GULP1: variants seen among roughly 807,000 people sequenced by gnomAD.
GULP1 encodes the protein GULP PTB domain containing engulfment adaptor 1.
A neutral mutation model predicts 40.9 loss-of-function variants in GULP1; 19 were observed. The observed-to-expected ratio is 0.46, with a 90% confidence interval of 0.32 to 0.68. GULP1 has a LOEUF of 0.68. GULP1 is among the 30% of genes least tolerant of loss of function. The pLI is 0.03. For missense variants in GULP1, 312 were observed against 362.2 expected (o/e 0.86, Z 1.12); for synonymous variants, 119 against 117.6 (o/e 1.01, Z -0.08).
In GULP1 at chr2:188,458,331, A is replaced by G. The variant is rs140066471; in HGVS notation, c.-44-19328A>G. ...TCCAATCAGCATAAATACATATTCA[A>G]TAGCTCCCCCAAAAATGTCTAGTCT... On this transcript the variant is annotated intron_variant, in intron 2 of 11. Coordinates refer to ENST00000409830, the MANE Select transcript of GULP1 (RefSeq NM_016315.4). Among the ~76,000 whole-genome samples the G allele has an allele frequency of 4.0e-3, 603 of 152,186 alleles. 5 individuals are homozygous for G. Among genetic ancestry groups the G allele is most frequent in the African/African-American group, 0.014 (565 of 41,534 alleles).
At chr2:188,592,712 A>G (rs1703813353) in intron 11 of GULP1, 1 of 152,072 alleles carries the variant, frequency 6.6e-6, no homozygotes, top group Non-Finnish European at 1.5e-5. Context: ...TTCCTCCTCT[A>G]TATGATGATG....
chr2:188,474,552 G>A lies in GULP1; in HGVS notation c.-44-3107G>A, dbSNP rs545130217. On this transcript the variant is annotated intron_variant, in intron 2 of 11. Transcript: ENST00000409830. ...AGTTGAACGCCTTACAATTGCTGTG[G>A]TCTCCCTTCCCCAGCACTCAGAAAT... 5.6e-4 allele frequency among the ~76,000 whole-genome samples: 86 copies of A among 152,224 alleles called. 2 individuals are homozygous for A. The highest frequency in any genetic ancestry group is 3.2e-4 in the Non-Finnish European group (22 of 68,004).
At chr2:188,499,139 A>G (rs1012776774) in intron 4 of GULP1, among the ~76,000 whole-genome samples, 7 of 52,778 alleles carry the variant, frequency 1.3e-4, no homozygotes, top group East Asian at 1.2e-3. Flanking sequence ...GTGTGTGTAT[A>G]TATATATATA....
At chr2:188,450,164 T>G (rs1023388582) in intron 2 of GULP1, among the ~76,000 whole-genome samples, 2 of 152,304 alleles carry the variant, frequency 1.3e-5, no homozygotes, top group African/African-American at 4.8e-5. Flanking sequence ...TTTAGTGATC[T>G]TGTGCTATAT....
chr2:188,438,745 A>C (rs1212588185), intron 2 of GULP1, among the ~76,000 whole-genome samples: 1 of 146,010 alleles, frequency 6.8e-6, no homozygotes, highest in Non-Finnish European at 1.5e-5. Context: ...AAAAGGAAAT[A>C]AAGTAGTTAA....
At chr2:188,503,532 A>T (rs2153166974) in intron 4 of GULP1, among the ~76,000 whole-genome samples, 1 of 151,942 alleles carries the variant, frequency 6.6e-6, no homozygotes, top group East Asian at 2.0e-4. Flanking sequence ...CTCCCACCAG[A>T]TCCCTCCCTC....
chr2:188,590,035 T>G (rs1305483163), intron 11 of GULP1: 4 of 191,320 alleles, frequency 2.1e-5, no homozygotes, highest in Non-Finnish European at 4.2e-5. Flanking sequence ...TGCAGTGGCA[T>G]GATCTTGGCT....
At chr2:188,557,378 C>T (rs1695037373) in intron 7 of GULP1, among the ~76,000 whole-genome samples, 1 of 152,158 alleles carries the variant, frequency 6.6e-6, no homozygotes, top group South Asian at 2.1e-4. Flanking sequence ...GTAAACATTC[C>T]CATTCCAAAA....
intron 4 of GULP1, among the ~76,000 whole-genome samples, chr2:188,490,952 C>T (rs549749573): frequency 3.4e-4 from 52 of 152,002 alleles, no homozygotes; most frequent in African/African-American, 1.2e-3. Flanking sequence ...TACAGGCCTG[C>T]ACCACCATGC....
At chr2:188,445,055 A>G (rs1199050403) in intron 2 of GULP1, among the ~76,000 whole-genome samples, 2 of 152,210 alleles carry the variant, frequency 1.3e-5, no homozygotes, top group African/African-American at 2.4e-5. Context: ...TCAAAGAGGA[A>G]CGAAAAGGTT....
chr2:188,422,527 A>G (rs984917230), intron 2 of GULP1, among the ~76,000 whole-genome samples: 7 of 151,936 alleles, frequency 4.6e-5, no homozygotes, highest in Non-Finnish European at 7.4e-5. Flanking sequence ...TATTTAGCGA[A>G]CATGTAATTT....
chr2:188,565,200 G>A (rs1376340800), intron 7 of GULP1, among the ~76,000 whole-genome samples: 1 of 151,850 alleles, frequency 6.6e-6, no homozygotes, highest in East Asian at 1.9e-4. Context: ...AGGATACAAT[G>A]GACTTTATCA....
rs558818193 is a variant in GULP1 at position 188,570,386 on chromosome 2, T to C, written c.609+266T>C. Among the ~76,000 whole-genome samples, 30 of 152,324 alleles carry C rather than the reference T, an allele frequency of 2.0e-4. No homozygotes were observed. The East Asian group carries it at 5.6e-3, about 28-fold the overall frequency. ...GTTAGTCTTAAGTTTTATTACATAA[T>C]ATAATTTTTCTCTTTGTGGCATATT... is the stretch of plus-strand genomic sequence containing the variant. On this transcript the variant is annotated intron_variant, in intron 9 of 11. Coordinates refer to ENST00000409830, the MANE Select transcript of GULP1 (RefSeq NM_016315.4).
chr2:188,310,943 A>T (rs898269838), intron 1 of GULP1, among the ~76,000 whole-genome samples: 1 of 152,218 alleles, frequency 6.6e-6, no homozygotes, highest in Non-Finnish European at 1.5e-5. Context: ...TGTGTTAAAG[A>T]TGAAATTGTA....
At chr2:188,397,125 T>C (rs1049359822) in intron 2 of GULP1, among the ~76,000 whole-genome samples, 1 of 148,548 alleles carries the variant, frequency 6.7e-6, no homozygotes, top group South Asian at 2.1e-4. Flanking sequence ...AGTTTTCTTG[T>C]TAAGTTTCTA....
At chr2:188,535,555 T>G (rs977675898) in intron 6 of GULP1, among the ~76,000 whole-genome samples, 7 of 152,124 alleles carry the variant, frequency 4.6e-5, no homozygotes, top group Non-Finnish European at 1.0e-4. Context: ...CTGTGGTACA[T>G]ATGTACCACA....
chr2:188,537,945 T>C (rs547060695), intron 6 of GULP1, among the ~76,000 whole-genome samples: 1 of 152,218 alleles, frequency 6.6e-6, no homozygotes, highest in Admixed American at 6.6e-5. Context: ...TTTATCAATT[T>C]CCTCTAGATT....
At chr2:188,560,336 G>A (rs1459810694) in intron 7 of GULP1, among the ~76,000 whole-genome samples, 1 of 152,192 alleles carries the variant, frequency 6.6e-6, no homozygotes, top group East Asian at 1.9e-4. Context: ...TAATAAAAGT[G>A]ACCTTCCTCC....
intron 2 of GULP1, among the ~76,000 whole-genome samples, chr2:188,434,497 T>C (rs1193907571): frequency 6.6e-6 from 1 of 151,656 alleles, no homozygotes; most frequent in African/African-American, 2.4e-5. Context: ...CCTCTTGTTT[T>C]GGTTTACTTC....
Sources: allele counts gnomAD v4.1 joint callset (sites outside exome capture counted in the v4.1 genomes callset), GRCh38; gene constraint gnomAD v4.1.1; transcripts MANE v1.5; gene names NCBI Gene and HGNC (gene_info 2026-07-23, HGNC 2026-07-21).